ZNF385D: variants seen among roughly 807,000 people sequenced by gnomAD.
ZNF385D encodes the protein zinc finger protein 385D, also known as zinc finger protein 659.
ZNF385D carries 15 observed loss-of-function variants against 35.8 expected under a neutral mutation model. The ratio of observed to expected loss-of-function variants is 0.42; its 90% CI spans 0.28 to 0.64. The LOEUF is 0.64. ZNF385D is among the 30% of genes least tolerant of loss of function. ZNF385D has a pLI of 0.23. For missense variants in ZNF385D, 474 were observed against 494.6 expected (o/e 0.96, Z 0.39); for synonymous variants, 212 against 186.8 (o/e 1.13, Z -1.10).
chr3:21,620,561 T>C (rs1237470952), intron 2 of ZNF385D, among the ~76,000 whole-genome samples: 1 of 152,150 alleles, frequency 6.6e-6, no homozygotes. Flanking sequence ...ATTTTTCCTT[T>C]AGCACGTCAG....
At chr3:22,247,776 TGTACTTTTA>T (rs1446421893) in intron 2 of ZNF385D, among the ~76,000 whole-genome samples, 1 of 152,040 alleles carries the variant, frequency 6.6e-6, no homozygotes, top group Non-Finnish European at 1.5e-5. Flanking sequence ...AGCTAATTTT[TGTACTTTTA>T]GTAGAGACGG....
intron 2 of ZNF385D, among the ~76,000 whole-genome samples, chr3:22,287,867 TTTTC>T (rs1413075471): frequency 6.6e-6 from 1 of 152,074 alleles, no homozygotes; most frequent in African/African-American, 2.4e-5. Context: ...CATTCACATG[TTTTC>T]TTTTACTAAT....
At chr3:21,444,734 C>T (rs932909258) in intron 4 of ZNF385D, among the ~76,000 whole-genome samples, 4 of 152,092 alleles carry the variant, frequency 2.6e-5, no homozygotes, top group African/African-American at 4.8e-5. Flanking sequence ...TAGGGACCGG[C>T]CATTTTCTAC....
intron 3 of ZNF385D, among the ~76,000 whole-genome samples, chr3:21,942,298 T>C (rs1049927145): frequency 9.2e-5 from 14 of 152,198 alleles, no homozygotes; most frequent in African/African-American, 3.1e-4. Context: ...TAAAAATAGA[T>C]TTGAATTCTT....
At chr3:22,368,188 GTAAC>G (rs947817903) in intron 2 of ZNF385D, among the ~76,000 whole-genome samples, 2 of 152,104 alleles carry the variant, frequency 1.3e-5, no homozygotes, top group African/African-American at 2.4e-5. Context: ...AATAAATAAA[GTAAC>G]TAAGCGATCT....
intron 3 of ZNF385D, among the ~76,000 whole-genome samples, chr3:21,822,638 T>C (rs113152275): frequency 6.6e-6 from 1 of 152,154 alleles, no homozygotes. Context: ...CACAAGAAAG[T>C]TGATACTGGC....
chr3:21,920,536 A>C (rs919552585), intron 3 of ZNF385D, among the ~76,000 whole-genome samples: 2 of 151,392 alleles, frequency 1.3e-5, no homozygotes, highest in Non-Finnish European at 2.9e-5. Flanking sequence ...TCATTAACAT[A>C]GGCTTAAGCA....
At chr3:21,538,329 C>A (rs2062088272) in intron 3 of ZNF385D, among the ~76,000 whole-genome samples, 1 of 152,064 alleles carries the variant, frequency 6.6e-6, no homozygotes, top group South Asian at 2.1e-4. Flanking sequence ...TCCCTTCCCT[C>A]CATTTCCAGA....
At chr3:21,689,798 T>A (rs1025428855) in intron 1 of ZNF385D, among the ~76,000 whole-genome samples, 2 of 151,788 alleles carry the variant, frequency 1.3e-5, no homozygotes, top group African/African-American at 4.8e-5. Flanking sequence ...GCGATACTGA[T>A]GCTACTGATT....
chr3:22,275,011 C>G (rs1257326047), intron 2 of ZNF385D, among the ~76,000 whole-genome samples: 1 of 151,974 alleles, frequency 6.6e-6, no homozygotes, highest in Non-Finnish European at 1.5e-5. Context: ...GAGAATAAGA[C>G]AAACCCTGTG....
Position 22,236,398 on chromosome 3 carries a change from C to T in ZNF385D, c.107-67363G>A, listed in dbSNP as rs1699186208. 3.9e-5 allele frequency among the ~76,000 whole-genome samples: 6 copies of T among 152,070 alleles called. No individual in the cohort carries two copies. The South Asian group carries it at 1.0e-3, about 26-fold the overall frequency. ...CCAGGCTAGAGAAGAGAGGAGTAAT[C>T]ATAGCTCACTGCAGCCTCAAACTCC... On this transcript the variant is annotated intron_variant, in intron 2 of 5. Coordinates refer to the ZNF385D transcript ENST00000494108.
At chr3:22,199,600 G>A (rs150689314) in intron 2 of ZNF385D, among the ~76,000 whole-genome samples, 2 of 152,100 alleles carry the variant, frequency 1.3e-5, no homozygotes, top group Non-Finnish European at 2.9e-5. Context: ...TGGCACATAC[G>A]GATTGTTACT....
chr3:22,041,519 A>G (rs1244028529), intron 3 of ZNF385D, among the ~76,000 whole-genome samples: 2 of 152,212 alleles, frequency 1.3e-5, no homozygotes, highest in East Asian at 3.8e-4. Flanking sequence ...CAGAATGTGG[A>G]AGGCATAGCT....
At chr3:22,350,865 C>A (rs1695883806) in intron 2 of ZNF385D, among the ~76,000 whole-genome samples, 1 of 152,028 alleles carries the variant, frequency 6.6e-6, no homozygotes, top group Admixed American at 6.6e-5. Context: ...GGCAGGCATA[C>A]CTTAAACCCT....
chr3:22,139,807 T>G (rs114386784), intron 3 of ZNF385D, among the ~76,000 whole-genome samples: 2,978 of 152,184 alleles, frequency 0.02, 36 homozygotes, highest in Non-Finnish European at 0.026. Context: ...AGATATAAGT[T>G]GTCAAGCAAA....
At chr3:21,797,356 GTGAAGCAACTGGAACTC>G (rs1034163825) in intron 3 of ZNF385D, among the ~76,000 whole-genome samples, 4 of 152,212 alleles carry the variant, frequency 2.6e-5, no homozygotes, top group African/African-American at 9.6e-5. Flanking sequence ...TGGCTAGGAT[GTGAAGCAACTGGAACTC>G]TGATTCATTG....
intron 3 of ZNF385D, among the ~76,000 whole-genome samples, chr3:21,869,180 C>A (rs1405221967): frequency 6.6e-6 from 1 of 152,068 alleles, no homozygotes; most frequent in African/African-American, 2.4e-5. Context: ...AGAAAGAGAT[C>A]ATTTTATCAT....
chr3:21,995,090 G>T (rs1695377786), intron 3 of ZNF385D, among the ~76,000 whole-genome samples: 1 of 152,240 alleles, frequency 6.6e-6, no homozygotes, highest in South Asian at 2.1e-4. Context: ...TCAGGCCCCT[G>T]GGCAGTGTGC....
intron 2 of ZNF385D, among the ~76,000 whole-genome samples, chr3:21,616,609 A>G (rs1434774983): frequency 2.6e-5 from 4 of 152,214 alleles, no homozygotes; most frequent in African/African-American, 9.6e-5. Flanking sequence ...TTTACATTTA[A>G]CTAGTTTTAT....
Sources: gnomAD v4.1 joint callset for allele counts (sites outside exome capture counted in the v4.1 genomes callset) on GRCh38, gnomAD v4.1.1 for gene constraint, MANE v1.5 for transcripts, NCBI Gene and HGNC (gene_info 2026-07-23, HGNC 2026-07-21) for gene names.